Variants in ACACB observed in about 807,000 individuals in gnomAD.
ACACB encodes acetyl-CoA carboxylase 2.
A neutral mutation model predicts 278.8 loss-of-function variants in ACACB; 209 were observed. That is an observed-to-expected ratio of 0.75 (90% CI 0.67 to 0.84). ACACB has a LOEUF of 0.84. ACACB is among the 40% of genes least tolerant of loss of function. ACACB has a pLI of 0.00. For missense variants in ACACB, 2,850 were observed against 3,269.0 expected (o/e 0.87, Z 3.13); for synonymous variants, 1,174 against 1,285.6 (o/e 0.91, Z 1.86).
chr12:109,212,507 C>A (rs746481688), intron 21 of ACACB, among the ~76,000 whole-genome samples: 1 of 152,126 alleles, frequency 6.6e-6, no homozygotes, highest in Non-Finnish European at 1.5e-5. Flanking sequence ...GACAGATCAT[C>A]AGGCCTTAGA....
chr12:109,233,787 C>A lies in ACACB; in HGVS notation c.4179C>A (p.Pro1393=), dbSNP rs1458357876. The A allele has an allele frequency of 6.2e-7, 1 of 1,614,194 alleles. No individual in the cohort carries two copies. Among genetic ancestry groups the A allele is most frequent in the Non-Finnish European group, 8.5e-7 (1 of 1,180,040 alleles). ...DEVISCFANV[P]KDTPLFSEAR... is the part of the protein sequence containing the mutation. Reference sequence around the variant, plus strand: ...TCATCTCTTGCTTCGCCAACGTGCCCAAAGACACCCCCCTCTTCAGCGAGG... The same window carrying A: ...TCATCTCTTGCTTCGCCAACGTGCCAAAAGACACCCCCCTCTTCAGCGAGG... Residue 1393 remains proline (P), a synonymous_variant, in exon 30 of 53, where the codon CCC becomes CCA. Transcript: ENST00000338432.
upstream of ACACB, among the ~76,000 whole-genome samples, chr12:109,115,461 GGTTT>G (rs1239922629): frequency 6.6e-6 from 1 of 152,090 alleles, no homozygotes; most frequent in Non-Finnish European, 1.5e-5. Context: ...TGGAAACATA[GGTTT>G]GTTTGAGAGT....
intron 2 of ACACB, among the ~76,000 whole-genome samples, chr12:109,144,943 A>G (rs1819502074): frequency 1.3e-5 from 2 of 151,506 alleles, no homozygotes; most frequent in Admixed American, 6.6e-5. Flanking sequence ...TTATATTTTT[A>G]GTAGAGATGG....
chr12:109,138,660 C>G, intron 1 of ACACB, among the ~76,000 whole-genome samples: 1 of 151,906 alleles, frequency 6.6e-6, no homozygotes, highest in Non-Finnish European at 1.5e-5. Flanking sequence ...AGTTAGAGAG[C>G]AACCTGGTCA....
intron 17 of ACACB, among the ~76,000 whole-genome samples, chr12:109,197,685 T>C (rs2045188587): frequency 6.6e-6 from 1 of 151,908 alleles, no homozygotes; most frequent in Non-Finnish European, 1.5e-5. Context: ...GCACAGGGGC[T>C]TGTGAGATAG....
At chr12:109,208,702 T>C (rs2045593633) in intron 20 of ACACB, among the ~76,000 whole-genome samples, 1 of 152,202 alleles carries the variant, frequency 6.6e-6, no homozygotes, top group Admixed American at 6.5e-5. Flanking sequence ...CTGGGTTTGC[T>C]TCTTACTAGC....
chr12:109,117,728 G>T (rs2135925894), intron 1 of ACACB, among the ~76,000 whole-genome samples: 1 of 152,314 alleles, frequency 6.6e-6, no homozygotes, highest in South Asian at 2.1e-4. Context: ...ACTTTGCCCA[G>T]GACCGGGGAA....
At chr12:109,143,984 T>A (rs1448765913) in intron 2 of ACACB, among the ~76,000 whole-genome samples, 3 of 151,904 alleles carry the variant, frequency 2.0e-5, no homozygotes, top group Non-Finnish European at 4.4e-5. Flanking sequence ...CTGGGCAACA[T>A]AATGAGACCC....
intron 28 of ACACB, among the ~76,000 whole-genome samples, chr12:109,228,242 G>A (rs1020180555): frequency 1.3e-5 from 2 of 151,068 alleles, no homozygotes; most frequent in Admixed American, 1.3e-4. Context: ...GGGAGGCTGA[G>A]GGAGAACTGC....
intron 1 of ACACB, among the ~76,000 whole-genome samples, chr12:109,137,151 C>T (rs1654884): frequency 0.074 from 11,247 of 151,900 alleles, 687 homozygotes; most frequent in East Asian, 0.35. Flanking sequence ...TGACATTGAG[C>T]CACCCTTGAC....
intron 21 of ACACB, among the ~76,000 whole-genome samples, chr12:109,210,507 A>G (rs1383719126): frequency 6.7e-6 from 1 of 148,922 alleles, no homozygotes; most frequent in Non-Finnish European, 1.5e-5. Flanking sequence ...GTATGTGTAT[A>G]TACGCACATA....
At chr12:109,123,360 GTTTT>G (rs1056213108) in intron 1 of ACACB, among the ~76,000 whole-genome samples, 34 of 151,086 alleles carry the variant, frequency 2.3e-4, no homozygotes, top group African/African-American at 8.3e-4. Context: ...GAGCTCCAGA[GTTTT>G]TTTTGTTTGT....
intron 3 of ACACB, 45 bp from the exon 4 acceptor site, chr12:109,167,851 C>T: frequency 6.2e-7 from 1 of 1,613,078 alleles, no homozygotes; most frequent in Non-Finnish European, 8.5e-7. Flanking sequence ...GCCCCCAGCG[C>T]AGGTAGATGT....
chr12:109,255,920 A>C (rs138059692), intron 44 of ACACB, among the ~76,000 whole-genome samples: 1 of 152,238 alleles, frequency 6.6e-6, no homozygotes, highest in Non-Finnish European at 1.5e-5. Flanking sequence ...ATACAGACTG[A>C]ATTCTTGACT....
At chr12:109,265,554 C>A (rs368567589) in intron 52 of ACACB, 29 bp downstream of exon 52, 3 of 1,609,658 alleles carry the variant, frequency 1.9e-6, no homozygotes, top group South Asian at 1.1e-5. Flanking sequence ...TGCTTCCCAG[C>A]CTCCTGGCAA....
At chr12:109,172,708 A>G (rs989571686) in intron 6 of ACACB, among the ~76,000 whole-genome samples, 9 of 152,238 alleles carry the variant, frequency 5.9e-5, no homozygotes, top group Non-Finnish European at 1.0e-4. Flanking sequence ...ACGCTTATGC[A>G]CTGTTGGTGG....
chr12:109,180,159 TC>T, intron 11 of ACACB, 72 bp downstream of exon 11: 1 of 1,504,298 alleles, frequency 6.6e-7, no homozygotes, highest in Non-Finnish European at 9.1e-7. Flanking sequence ...CTCCCATTAG[TC>T]CATCCCGCCC....
intron 2 of ACACB, among the ~76,000 whole-genome samples, chr12:109,146,009 G>A (rs937421999): frequency 2.6e-4 from 39 of 151,158 alleles, no homozygotes; most frequent in South Asian, 4.2e-4. Flanking sequence ...ACTCTGACTC[G>A]AAAAAAAAAT....
Position 109,201,345 on chromosome 12 carries a change from TG to T in ACACB, c.2779-220del, listed in dbSNP as rs2045323786. Among the ~76,000 whole-genome samples the T allele has an allele frequency of 2.0e-5, 3 of 152,206 alleles. No individual in the cohort carries two copies. In the South Asian group the frequency reaches 6.2e-4, roughly 31 times the overall value. ...AAAATGGGCATCATAAACACCTCCT[TG>T]GCTGGCTTTGCAGATTGAATGGCAC... is the stretch of plus-strand genomic sequence containing the variant. On this transcript the variant is annotated intron_variant, in intron 18 of 52. Coordinates refer to ENST00000338432, the MANE Select transcript of ACACB (RefSeq NM_001093.4).
Sources: gnomAD v4.1 joint callset for allele counts (sites outside exome capture counted in the v4.1 genomes callset) on GRCh38, gnomAD v4.1.1 for gene constraint, MANE v1.5 for transcripts, NCBI Gene and HGNC (gene_info 2026-07-23, HGNC 2026-07-21) for gene names.